The following PLXNA4 variants were observed in gnomAD, a reference collection of about 807,000 sequenced individuals.
PLXNA4 encodes the protein plexin-A4.
In PLXNA4, 44 loss-of-function variants were observed where a neutral mutation model predicts 191.8. The observed-to-expected ratio is 0.23, with a 90% CI of 0.18 to 0.29. The LOEUF (loss-of-function observed/expected upper bound fraction) is 0.29. PLXNA4 is among the 10% of genes least tolerant of loss of function. The probability of loss-of-function intolerance (pLI) is 1.00; values close to 1 mark genes in which losing one functional copy is unlikely to be tolerated. For missense variants in PLXNA4, 1,800 were observed against 2,488.8 expected (o/e 0.72, Z 5.89); for synonymous variants, 1,082 against 1,009.5 (o/e 1.07, Z -1.36).
At chr7:132,140,020 G>A (rs145550368) in intron 30 of PLXNA4, among the ~76,000 whole-genome samples, 1 of 152,184 alleles carries the variant, frequency 6.6e-6, no homozygotes, top group Non-Finnish European at 1.5e-5. Flanking sequence ...CTCATAGGGG[G>A]ACCTTCAGTC....
At chr7:132,517,026 G>A (rs994100294) in intron 1 of PLXNA4, among the ~76,000 whole-genome samples, 2 of 152,148 alleles carry the variant, frequency 1.3e-5, no homozygotes, top group African/African-American at 4.8e-5. Context: ...GGCCCCTCTA[G>A]CTGTCCCACT....
intron 2 of PLXNA4, among the ~76,000 whole-genome samples, chr7:132,624,340 C>A (rs1316683156): frequency 6.6e-6 from 1 of 152,182 alleles, no homozygotes; most frequent in Non-Finnish European, 1.5e-5. Context: ...AGACTCCAGT[C>A]CCTGGCCATA....
chr7:132,610,816 T>C (rs184269951), intron 2 of PLXNA4, among the ~76,000 whole-genome samples: 2 of 152,294 alleles, frequency 1.3e-5, no homozygotes, highest in East Asian at 3.9e-4. Context: ...TAACCACCCA[T>C]ATAGCACAGC....
chr7:132,359,988 A>T (rs970409911), intron 3 of PLXNA4, among the ~76,000 whole-genome samples: 1 of 152,216 alleles, frequency 6.6e-6, no homozygotes, highest in Non-Finnish European at 1.5e-5. Context: ...TGTGGTTTCA[A>T]TTGCTATATA....
chr7:132,597,840 G>A (rs1014033731), intron 2 of PLXNA4, among the ~76,000 whole-genome samples: 7 of 140,326 alleles, frequency 5.0e-5, no homozygotes, highest in Non-Finnish European at 9.4e-5. Flanking sequence ...TCCATGTTGC[G>A]CTCTCTCTCT....
intron 1 of PLXNA4, among the ~76,000 whole-genome samples, chr7:132,569,350 C>T (rs754068): frequency 6.6e-6 from 1 of 152,148 alleles, no homozygotes; most frequent in Non-Finnish European, 1.5e-5. Context: ...TCAATAAAGT[C>T]ATAACACATA....
intron 25 of PLXNA4, 32 bp from the exon 26 acceptor site, chr7:132,148,678 C>A: frequency 1.9e-6 from 3 of 1,613,500 alleles, no homozygotes; most frequent in Non-Finnish European, 1.7e-6. Context: ...TTCAGAGAGG[C>A]CCTATGACCC....
In PLXNA4 at chr7:132,145,208, G is replaced by A. The variant is rs1795384713; in HGVS notation, c.5136C>T (p.Ala1712=). 1 of 1,614,096 alleles carries A rather than the reference G, an allele frequency of 6.2e-7. No individual in the cohort carries two copies. Among genetic ancestry groups the A allele is most frequent in the African/African-American group, 1.3e-5 (1 of 74,916 alleles). The change falls in exon 29 of 32, where the codon GCC becomes GCT. Residue 1712 remains alanine, a synonymous_variant. Transcript: ENST00000321063. ...TAHRGSALPL[A]IKYMFDFLDE... ...CCAGGAAGTCAAACATGTACTTGATGGCCAGGGGCAGGGCAGAGCCACGGT... is the reference window on the plus strand; with the variant it reads ...CCAGGAAGTCAAACATGTACTTGATAGCCAGGGGCAGGGCAGAGCCACGGT...
intron 4 of PLXNA4, among the ~76,000 whole-genome samples, chr7:132,283,456 T>C (rs913493186): frequency 2.6e-5 from 4 of 152,222 alleles, no homozygotes; most frequent in African/African-American, 9.6e-5. Flanking sequence ...TGTGTGAGCA[T>C]GAGCAAGCCA....
intron 4 of PLXNA4, among the ~76,000 whole-genome samples, chr7:132,251,690 A>AGT (rs1799258864): frequency 2.6e-5 from 4 of 152,236 alleles, no homozygotes; most frequent in African/African-American, 4.8e-5. Flanking sequence ...TTTGTGAATG[A>AGT]GTGCACAGCA....
rs979895252 is a variant in PLXNA4, at chr7:132,164,181, C to T, written c.4461G>A (p.Glu1487=). The T allele has an allele frequency of 6.2e-7, 1 of 1,614,122 alleles. No individual in the cohort carries two copies. The highest frequency in any genetic ancestry group is 1.3e-5 in the African/African-American group (1 of 74,944). The stretch of plus-strand genomic sequence containing the variant: ...CAATCTGCTGGCGGATGAGCTTGTC[C>T]TCGCTCAAGGAGTAGCGGGCCTCGC... The part of the protein sequence containing the change: ...ITGEARYSLS[E]DKLIRQQIDY... Residue 1487 remains glutamate, a synonymous_variant, in exon 24 of 32, where the codon GAG becomes GAA. Coordinates refer to ENST00000321063, the MANE Select transcript of PLXNA4 (RefSeq NM_020911.2).
At position 132,153,057 on chromosome 7, in the gene PLXNA4, G is replaced by A. The variant is rs557630505; in HGVS notation, c.4661-4411C>T. Among the ~76,000 whole-genome samples the A allele has an allele frequency of 2.0e-5, 3 of 152,358 alleles. No individual in the cohort carries two copies. The East Asian group carries it at 5.8e-4, about 29-fold the overall frequency. On this transcript the variant is annotated intron_variant, in intron 25 of 31. Transcript: ENST00000321063. ...AAGCCCTTGCCCTTGAAGACTCCTT[G>A]TGTGGAGAGGCTGTGCAAGAGCCTG...
At chr7:132,597,885 T>C (rs955941603) in intron 2 of PLXNA4, among the ~76,000 whole-genome samples, 2 of 146,322 alleles carry the variant, frequency 1.4e-5, no homozygotes, top group Admixed American at 7.1e-5. Context: ...ATCCAATCTG[T>C]AATTTTTAAC....
At chr7:132,254,777 T>C (rs551141062) in intron 4 of PLXNA4, among the ~76,000 whole-genome samples, 1 of 152,324 alleles carries the variant, frequency 6.6e-6, no homozygotes, top group African/African-American at 2.4e-5. Flanking sequence ...GTGGTGGTGG[T>C]ACGGATAATG....
chr7:132,553,168 C>T (rs900290288), intron 1 of PLXNA4, among the ~76,000 whole-genome samples: 31 of 152,190 alleles, frequency 2.0e-4, no homozygotes, highest in Admixed American at 3.9e-4. Context: ...CTTGCAGATG[C>T]GTCCTGAGAT....
Position 132,508,800 on chromosome 7 carries a change from G to C in PLXNA4, c.-86-21C>G, listed in dbSNP as rs1207982631. On this transcript the variant is annotated intron_variant, in intron 1 of 31. Coordinates refer to ENST00000321063, the MANE Select transcript of PLXNA4 (RefSeq NM_020911.2). The surrounding 1 kb of genome is among the most constrained non-coding windows in gnomAD (Gnocchi z 4.4). ...CCCTACTGGAGAAAGGGAAGACAAT[G>C]AGCTGGATAACAATGCCAGTGGCTT... The C allele has an allele frequency of 2.1e-6, 3 of 1,434,212 alleles. No individual in the cohort carries two copies. The East Asian group carries it at 7.5e-5, about 36-fold the overall frequency. 88.8% of individuals were successfully genotyped at this position (1,434,212 alleles called of 1,614,324 possible). A position where few individuals can be genotyped will look rare whatever the true frequency, so the allele number is the denominator to read the frequency against.
chr7:132,145,352 A>T (rs1196384123), intron 28 of PLXNA4, 64 bp from the exon 29 acceptor site: 1 of 1,601,644 alleles, frequency 6.2e-7, no homozygotes, highest in East Asian at 2.2e-5. Flanking sequence ...GGCTTTTAAA[A>T]CCTGCCTCAC....
intron 3 of PLXNA4, among the ~76,000 whole-genome samples, chr7:132,392,325 A>G (rs539305777): frequency 6.6e-6 from 1 of 152,348 alleles, no homozygotes; most frequent in African/African-American, 2.4e-5. Flanking sequence ...GAAGGGCATC[A>G]TGGAGGGAAC....
chr7:132,485,120 T>C, intron 3 of PLXNA4: 2 of 1,470,708 alleles, frequency 1.4e-6, no homozygotes, highest in Non-Finnish European at 1.8e-6. Context: ...TTTTGTACTA[T>C]ATACTCCTAT....
Sources: allele counts gnomAD v4.1 joint callset (sites outside exome capture counted in the v4.1 genomes callset), GRCh38; gene constraint gnomAD v4.1.1; non-coding constraint Gnocchi (gnomAD v3.1); transcripts MANE v1.5; gene names NCBI Gene and HGNC (gene_info 2026-07-23, HGNC 2026-07-21).